Variants in NHSL1 observed in about 807,000 individuals in gnomAD.
NHSL1 encodes NHS-like protein 1.
NHSL1 carries 48 observed loss-of-function variants against 95.0 expected under a neutral mutation model. That is an observed-to-expected ratio of 0.51 (90% confidence interval 0.40 to 0.64). NHSL1 has a LOEUF of 0.64. NHSL1 is among the 30% of genes least tolerant of loss of function. NHSL1 has a pLI of 0.00. For synonymous variants in NHSL1, 783 were observed against 833.9 expected (o/e 0.94, Z 1.05); for missense variants, 1,971 against 2,077.7 (o/e 0.95, Z 1.00).
chr6:138,451,026 A>G (rs1247840662), intron 3 of NHSL1, among the ~76,000 whole-genome samples: 1 of 152,078 alleles, frequency 6.6e-6, no homozygotes, highest in Non-Finnish European at 1.5e-5. Context: ...CTCTCAATAC[A>G]GCAGGCGAAG....
At chr6:138,448,455 G>A (rs1777005718) in intron 3 of NHSL1, among the ~76,000 whole-genome samples, 1 of 152,164 alleles carries the variant, frequency 6.6e-6, no homozygotes, top group South Asian at 2.1e-4. Context: ...AAAAGTCAGT[G>A]AACCTTCCCA....
chr6:138,500,770 T>C (rs1388895505), upstream of NHSL1, among the ~76,000 whole-genome samples: 2 of 151,952 alleles, frequency 1.3e-5, no homozygotes. Flanking sequence ...AAATGATTCC[T>C]TCTCAGGTCT....
chr6:138,430,577 C>T lies in NHSL1; in HGVS notation c.3768G>A (p.Thr1256=), dbSNP rs1159524918. Residue 1256 remains threonine (T), a synonymous_variant, in exon 6 of 8, where the codon ACG becomes ACA. Coordinates refer to ENST00000343505, the MANE Select transcript of NHSL1 (RefSeq NM_001144060.2). This position sits in a 1 kb window ranked among gnomAD's most constrained non-coding sequence, Gnocchi z 4.7. ...SSAAQAGSHA[T]HPGTSVLEGG... is the part of the protein sequence containing the mutation. ...CCTCAAGAACCGAGGTGCCAGGGTG[C>T]GTGGCATGAGAGCCAGCTTGGGCTG... 26 of 1,550,302 alleles carry T rather than the reference C, an allele frequency of 1.7e-5. No individual in the cohort carries two copies. The highest frequency in any genetic ancestry group is 2.4e-5 in the East Asian group (1 of 40,860).
chr6:138,618,422 T>C (rs1249771498), intron 1 of NHSL1, among the ~76,000 whole-genome samples: 2 of 152,218 alleles, frequency 1.3e-5, no homozygotes, highest in Non-Finnish European at 2.9e-5. Flanking sequence ...TCATCAGTAG[T>C]TGTGTTCAAG....
intron 1 of NHSL1, among the ~76,000 whole-genome samples, chr6:138,642,047 T>C (rs1209626271): frequency 6.6e-6 from 1 of 151,978 alleles, no homozygotes; most frequent in Non-Finnish European, 1.5e-5. Flanking sequence ...TCATTAAACT[T>C]TCTCTTATAA....
chr6:138,589,882 C>G (rs1784199012), intron 1 of NHSL1, among the ~76,000 whole-genome samples: 1 of 152,190 alleles, frequency 6.6e-6, no homozygotes, highest in African/African-American at 2.4e-5. Flanking sequence ...GGCATCCACA[C>G]TGATCCTTCC....
chr6:138,451,593 C>T (rs1777244625), intron 3 of NHSL1, among the ~76,000 whole-genome samples: 1 of 152,158 alleles, frequency 6.6e-6, no homozygotes, highest in Non-Finnish European at 1.5e-5. Context: ...TAGCTATATG[C>T]CTTGCCCTTG....
At chr6:138,592,058 T>G (rs1339330436) in intron 1 of NHSL1, among the ~76,000 whole-genome samples, 1 of 152,178 alleles carries the variant, frequency 6.6e-6, no homozygotes, top group Non-Finnish European at 1.5e-5. Flanking sequence ...AATTATTCCA[T>G]GACAATAAAT....
At chr6:138,500,206 A>C (rs1280958384), upstream of NHSL1, among the ~76,000 whole-genome samples, 1 of 152,224 alleles carries the variant, frequency 6.6e-6, no homozygotes, top group Non-Finnish European at 1.5e-5. Flanking sequence ...TGGTTTTCAG[A>C]ATTCCATAAT....
chr6:138,604,881 C>T (rs1450084127), intron 1 of NHSL1, among the ~76,000 whole-genome samples: 1 of 152,150 alleles, frequency 6.6e-6, no homozygotes, highest in African/African-American at 2.4e-5. Context: ...CCGCCTCAGA[C>T]TCCAAAGTGC....
intron 1 of NHSL1, among the ~76,000 whole-genome samples, chr6:138,605,636 A>T (rs1204418895): frequency 2.0e-5 from 3 of 152,244 alleles, no homozygotes; most frequent in African/African-American, 7.2e-5. Context: ...TATTTCTAAG[A>T]CATCAGGCAC....
intron 4 of NHSL1, among the ~76,000 whole-genome samples, chr6:138,444,279 A>G (rs948924781): frequency 1.3e-5 from 2 of 152,212 alleles, no homozygotes; most frequent in Admixed American, 1.3e-4. Flanking sequence ...AATTAAAAAA[A>G]AAAAAAGAAA....
intron 1 of NHSL1, among the ~76,000 whole-genome samples, chr6:138,541,778 C>T (rs192142455): frequency 6.6e-6 from 1 of 152,328 alleles, no homozygotes; most frequent in Non-Finnish European, 1.5e-5. Flanking sequence ...CTTTGCATGA[C>T]TGATCATAAT....
chr6:138,514,870 C>T (rs1781394041), intron 1 of NHSL1, among the ~76,000 whole-genome samples: 1 of 152,196 alleles, frequency 6.6e-6, no homozygotes, highest in Non-Finnish European at 1.5e-5. Flanking sequence ...CTGCAGTGAG[C>T]TGTGGTCACA....
chr6:138,449,519 A>G (rs1173315042), intron 3 of NHSL1, among the ~76,000 whole-genome samples: 1 of 152,118 alleles, frequency 6.6e-6, no homozygotes, highest in East Asian at 1.9e-4. Flanking sequence ...TACTAAAATA[A>G]AAATAAAATT....
chr6:138,551,375 T>C (rs557143832), intron 1 of NHSL1, among the ~76,000 whole-genome samples: 6 of 152,230 alleles, frequency 3.9e-5, no homozygotes, highest in African/African-American at 9.6e-5. Flanking sequence ...ACTGAAGACA[T>C]ATTTCCCATC....
intron 1 of NHSL1, among the ~76,000 whole-genome samples, chr6:138,507,904 A>T (rs1049577117): frequency 6.6e-6 from 1 of 152,206 alleles, no homozygotes; most frequent in Non-Finnish European, 1.5e-5. Context: ...TTAGGAGATG[A>T]TAATGTATCA....
intron 1 of NHSL1, among the ~76,000 whole-genome samples, chr6:138,583,684 C>T (rs1368630537): frequency 3.3e-5 from 5 of 152,182 alleles, no homozygotes; most frequent in African/African-American, 1.2e-4. Flanking sequence ...TGCTGTTCAT[C>T]GTCATGTTCA....
intron 1 of NHSL1, among the ~76,000 whole-genome samples, chr6:138,660,634 C>G (rs569483900): frequency 1.3e-5 from 2 of 150,440 alleles, no homozygotes; most frequent in Non-Finnish European, 3.0e-5. Context: ...GAGCAAGACT[C>G]CGTCTCAAAA....
Sources: allele counts gnomAD v4.1 joint callset (sites outside exome capture counted in the v4.1 genomes callset), GRCh38; gene constraint gnomAD v4.1.1; non-coding constraint Gnocchi (gnomAD v3.1); transcripts MANE v1.5; gene names NCBI Gene and HGNC (gene_info 2026-07-23, HGNC 2026-07-21).